CHD6: variants seen among roughly 807,000 people sequenced by gnomAD.
The protein encoded by CHD6 is chromodomain helicase DNA binding protein 6, also known as ATP-dependent chromatin remodeler CHD6.
Under a neutral mutation model 276.9 loss-of-function variants are expected in CHD6, and 50 were observed. The observed-to-expected ratio is 0.18, with a 90% CI of 0.14 to 0.23. CHD6 has a LOEUF of 0.23. Among genes scored for constraint, CHD6 ranks in the 10% least tolerant of loss-of-function variants. The probability of loss-of-function intolerance (pLI) is 1.00; values close to 1 mark genes in which losing one functional copy is unlikely to be tolerated. For synonymous variants in CHD6, 1,173 were observed against 1,229.3 expected, an observed-to-expected ratio of 0.95 and a Z score of 0.96; for missense variants, 2,564 against 3,365.8, an observed-to-expected ratio of 0.76 and a Z score of 5.89.
intron 2 of CHD6, among the ~76,000 whole-genome samples, chr20:41,535,393 T>C (rs1165814649): frequency 6.6e-6 from 1 of 152,186 alleles, no homozygotes; most frequent in Non-Finnish European, 1.5e-5. Context: ...AATGGAAGAT[T>C]AGTGATGTTA....
chr20:41,517,896 T>C (rs1437552063), intron 3 of CHD6, among the ~76,000 whole-genome samples: 2 of 152,276 alleles, frequency 1.3e-5, no homozygotes, highest in Non-Finnish European at 2.9e-5. Flanking sequence ...TGCCTCTTTT[T>C]TTCTAAAATC....
chr20:41,402,597 A>C lies in CHD6; in HGVS notation c.*1996T>G, dbSNP rs2046564673. ...TGCAGTAAGGCTTTCAAGATACAGG[A>C]ATTTTTATAGCATTTGTATTTTAAG... On this transcript the variant is annotated 3_prime_UTR_variant, in exon 37 of 37. Coordinates refer to ENST00000373233, the MANE Select transcript of CHD6 (RefSeq NM_032221.5). 1 of 227,270 alleles carries C rather than the reference A, an allele frequency of 4.4e-6. No homozygotes were observed. Among genetic ancestry groups the C allele is most frequent in the South Asian group, 1.8e-4 (1 of 5,490 alleles). The allele number at this position is 227,270 out of a possible 1,614,324, so 14.1% of individuals were successfully genotyped here. A position where few individuals can be genotyped will look rare whatever the true frequency, so the allele number is the denominator to read the frequency against.
intron 17 of CHD6, among the ~76,000 whole-genome samples, chr20:41,471,592 G>A (rs926146844): frequency 1.3e-5 from 2 of 151,640 alleles, no homozygotes; most frequent in African/African-American, 4.9e-5. Flanking sequence ...CTGGAGTGCA[G>A]TGGCACAATC....
chr20:41,525,602 T>C (rs1248963681), intron 3 of CHD6, among the ~76,000 whole-genome samples: 1 of 152,244 alleles, frequency 6.6e-6, no homozygotes, highest in African/African-American at 2.4e-5. Context: ...TCCTATCATT[T>C]CAGTAAGATT....
chr20:41,561,802 T>C (rs959293294), intron 1 of CHD6, among the ~76,000 whole-genome samples: 9 of 152,216 alleles, frequency 5.9e-5, no homozygotes, highest in African/African-American at 1.9e-4. Context: ...TTCCACCACT[T>C]ATTTTGAAGA....
intron 17 of CHD6, among the ~76,000 whole-genome samples, chr20:41,472,131 G>C (rs777579294): frequency 2.6e-5 from 4 of 152,034 alleles, no homozygotes; most frequent in Non-Finnish European, 4.4e-5. Flanking sequence ...CTACGCAGGA[G>C]GCTGAGGCAA....
chr20:41,449,938 G>A (rs372419390), intron 23 of CHD6, among the ~76,000 whole-genome samples: 1 of 152,118 alleles, frequency 6.6e-6, no homozygotes, highest in African/African-American at 2.4e-5. Context: ...AGGTTCTTTT[G>A]ATGACAATTT....
rs1157792231 is a variant in CHD6, at chr20:41,440,073, C to A, written c.3934G>T (p.Val1312Phe). 1 of 1,614,066 alleles carries A rather than the reference C, an allele frequency of 6.2e-7. No individual in the cohort carries two copies. Among genetic ancestry groups the A allele is most frequent in the East Asian group, 2.2e-5 (1 of 44,888 alleles). The change falls in exon 26 of 37, where the codon GTT (valine) becomes TTT (phenylalanine). Residue 1312 changes from valine to phenylalanine, a missense_variant. By Grantham distance (50) the Val-to-Phe change is conservative. Transcript: ENST00000373233. Reference sequence around the variant, plus strand: ...AGGGACTTCTCATCGGGCATCCCAACTTTCTCCAGGAAGCAAAGTGCTGGG... The same window carrying A: ...AGGGACTTCTCATCGGGCATCCCAAATTTCTCCAGGAAGCAAAGTGCTGGG... ...ADPALCFLEK[V>F]GMPDEKSLSA...
rs748359759 is a variant in CHD6, at chr20:41,533,421, C to T, written c.183G>A (p.Leu61=). The change falls in exon 3 of 37, where the codon CTG becomes CTA. Residue 61 remains leucine, a synonymous_variant. Transcript: ENST00000373233. ...TAGCAGCTTCCTCTTCAGCAGTATA[C>T]AGGTCCTTCTGAGGCAGACAGTGAC... ...VASHCLPQKD[L]YTAEEEAATL... is the part of the protein sequence containing the mutation. The T allele has an allele frequency of 6.2e-7, 1 of 1,614,158 alleles. No homozygotes were observed. The highest frequency in any genetic ancestry group is 1.1e-5 in the South Asian group (1 of 91,072).
chr20:41,432,869 CAG>C (rs1275195133), intron 27 of CHD6, among the ~76,000 whole-genome samples: 7 of 151,962 alleles, frequency 4.6e-5, no homozygotes, highest in African/African-American at 9.7e-5. Context: ...TGAAATGAAA[CAG>C]AAAGTTTCAG....
intron 17 of CHD6, among the ~76,000 whole-genome samples, chr20:41,460,577 G>A (rs1211592614): frequency 6.6e-6 from 1 of 152,242 alleles, no homozygotes; most frequent in East Asian, 1.9e-4. Context: ...GCTTCAGAGG[G>A]TGAAAGCACC....
At chr20:41,607,386 T>C (rs1365414342) in intron 1 of CHD6, among the ~76,000 whole-genome samples, 1 of 152,226 alleles carries the variant, frequency 6.6e-6, no homozygotes, top group Non-Finnish European at 1.5e-5. Context: ...TACCTTTCTG[T>C]CTCTTCTAAC....
intron 1 of CHD6, among the ~76,000 whole-genome samples, chr20:41,589,421 TC>T (rs1428579749): frequency 6.6e-6 from 1 of 152,174 alleles, no homozygotes. Context: ...AAAGAGGAAG[TC>T]AAACCGTCCC....
chr20:41,582,000 C>T (rs145159058), intron 1 of CHD6, among the ~76,000 whole-genome samples: 13 of 152,284 alleles, frequency 8.5e-5, no homozygotes, highest in African/African-American at 3.1e-4. Context: ...TCACTTCTTA[C>T]TTGAGTGCAT....
At chr20:41,611,723 C>T (rs1163116341) in intron 1 of CHD6, among the ~76,000 whole-genome samples, 9 of 152,026 alleles carry the variant, frequency 5.9e-5, no homozygotes, top group Non-Finnish European at 1.3e-4. Flanking sequence ...CTGCAACCTC[C>T]GCCTCCCCGG....
In CHD6 at chr20:41,451,914, A is replaced by G. The variant is rs145708080; in HGVS notation, c.3435T>C (p.Tyr1145=). 2.6e-4 allele frequency: 420 copies of G among 1,614,080 alleles called. No homozygotes were observed. The highest frequency in any genetic ancestry group is 3.2e-4 in the Non-Finnish European group (374 of 1,179,996). The part of the protein sequence containing the change: ...RALLVYCVKH[Y]KGDEKIKSFI... ...AACTCTTGATCTTCTCGTCCCCCTTATAATGCTTGACACAGTACACCAGGA... is the reference window on the plus strand; with the variant it reads ...AACTCTTGATCTTCTCGTCCCCCTTGTAATGCTTGACACAGTACACCAGGA... Residue 1145 remains tyrosine, a synonymous_variant, in exon 22 of 37, where the codon TAT becomes TAC. Transcript: ENST00000373233.
At chr20:41,527,616 C>T (rs543060933) in intron 3 of CHD6, among the ~76,000 whole-genome samples, 12 of 152,208 alleles carry the variant, frequency 7.9e-5, no homozygotes, top group African/African-American at 2.9e-4. Flanking sequence ...CTTAATGCCA[C>T]GAAGCTGACT....
chr20:41,446,597 G>A (rs887757529), intron 24 of CHD6, among the ~76,000 whole-genome samples: 5 of 152,068 alleles, frequency 3.3e-5, no homozygotes, highest in South Asian at 2.1e-4. Flanking sequence ...TTCTTCTTCC[G>A]TCAGACTCTT....
chr20:41,612,789 T>A (rs1194979154), intron 1 of CHD6, among the ~76,000 whole-genome samples: 7 of 152,154 alleles, frequency 4.6e-5, no homozygotes, highest in Non-Finnish European at 1.0e-4. Flanking sequence ...AACCAAATAA[T>A]CAAGTCAATG....
Sources: allele counts gnomAD v4.1 joint callset (sites outside exome capture counted in the v4.1 genomes callset), GRCh38; gene constraint gnomAD v4.1.1; transcripts MANE v1.5; gene names NCBI Gene and HGNC (gene_info 2026-07-23, HGNC 2026-07-21).